Variants in TBC1D30 observed in about 807,000 individuals in gnomAD.
The protein encoded by TBC1D30 is TBC1 domain family member 30.
TBC1D30 carries 31 observed loss-of-function variants against 63.2 expected under a neutral mutation model. The observed-to-expected ratio is 0.49, with a 90% CI of 0.37 to 0.66. The LOEUF is 0.66. Among genes scored for constraint, TBC1D30 ranks in the 30% least tolerant of loss-of-function variants. The pLI is 0.00. For missense variants in TBC1D30, 810 were observed against 953.6 expected (o/e 0.85, Z 1.98); for synonymous variants, 307 against 361.5 (o/e 0.85, Z 1.71).
chr12:64,807,742 A>T (rs1872953666), intron 2 of TBC1D30, among the ~76,000 whole-genome samples: 1 of 151,960 alleles, frequency 6.6e-6, no homozygotes, highest in Non-Finnish European at 1.5e-5. Flanking sequence ...CAATTAAAAA[A>T]TTTAATTTTT....
chr12:64,845,906 C>T lies in TBC1D30; in HGVS notation c.1038+2421C>T, dbSNP rs145517386. Reference sequence around the variant, plus strand: ...AACTCCTGACATCAAGTGATCCTCCCGCCGAGCTTGGCCTCCCAAAATGCT... The same window carrying T: ...AACTCCTGACATCAAGTGATCCTCCTGCCGAGCTTGGCCTCCCAAAATGCT... On this transcript the variant is annotated intron_variant, in intron 8 of 11. Coordinates refer to ENST00000539867, the MANE Select transcript of TBC1D30 (RefSeq NM_015279.2). Among the ~76,000 whole-genome samples, 384 of 152,252 alleles carry T rather than the reference C, an allele frequency of 2.5e-3. 9 individuals carry two copies. The East Asian group carries it at 0.057, about 22-fold the overall frequency.
intron 10 of TBC1D30, 66 bp downstream of exon 10, chr12:64,866,969 G>T (rs1878273097): frequency 6.7e-7 from 1 of 1,493,498 alleles, no homozygotes; most frequent in African/African-American, 1.4e-5. Context: ...GAGTGATATT[G>T]TGTCCTATAG....
At position 64,878,598 on chromosome 12, in the gene TBC1D30, A is replaced by C. The variant is rs1879250759; in HGVS notation, c.*2810A>C. 2.2e-6 allele frequency: 1 copy of C among 455,380 alleles called. No individual in the cohort carries two copies. The highest frequency in any genetic ancestry group is 2.4e-5 in the Admixed American group (1 of 42,496). 28.2% of individuals were successfully genotyped at this position (455,380 alleles called of 1,614,324 possible). A position where few individuals can be genotyped will look rare whatever the true frequency, so the allele number is the denominator to read the frequency against. ...GTTGTTCTGAAGGATTGTATTGATC[A>C]CAAAGCTATATGCATAAAGATTCTC... On this transcript the variant is annotated 3_prime_UTR_variant, in exon 12 of 12. Coordinates refer to ENST00000539867, the MANE Select transcript of TBC1D30 (RefSeq NM_015279.2).
intron 8 of TBC1D30, among the ~76,000 whole-genome samples, chr12:64,859,610 C>T (rs1312870192): frequency 6.6e-6 from 1 of 152,058 alleles, no homozygotes; most frequent in Non-Finnish European, 1.5e-5. Context: ...AAAAGGGATA[C>T]AGGAGTGAAA....
intron 9 of TBC1D30, 63 bp from the exon 10 acceptor site, chr12:64,866,701 T>C: frequency 6.9e-7 from 1 of 1,459,308 alleles, no homozygotes; most frequent in Admixed American, 2.1e-5. Flanking sequence ...TGTAACTGTA[T>C]TATGTTTTAA....
At chr12:64,830,341 A>G in intron 3 of TBC1D30, 36 bp from the exon 4 acceptor site, 2 of 1,495,486 alleles carry the variant, frequency 1.3e-6, no homozygotes, top group Non-Finnish European at 1.8e-6. Context: ...TATATATTCT[A>G]CTTTGGCATT....
At chr12:64,788,196 T>G (rs911983637) in intron 2 of TBC1D30, among the ~76,000 whole-genome samples, 1 of 145,652 alleles carries the variant, frequency 6.9e-6, no homozygotes, top group Non-Finnish European at 1.5e-5. Context: ...TGTAGGGGTG[T>G]GTGTGTGTGT....
intron 1 of TBC1D30, among the ~76,000 whole-genome samples, chr12:64,771,478 A>G (rs933713393): frequency 1.3e-5 from 2 of 152,088 alleles, no homozygotes; most frequent in Non-Finnish European, 2.9e-5. Context: ...TTTGTAAGCT[A>G]AAACACTGCA....
Position 64,824,955 on chromosome 12 carries a change from A to G in TBC1D30, c.76A>G (p.Thr26Ala), listed in dbSNP as rs1316398534. The G allele has an allele frequency of 2.6e-6, 4 of 1,534,762 alleles. No homozygotes were observed. The South Asian group carries it at 4.8e-5, about 18-fold the overall frequency. ...GAAGCGGCAGGGCGGCGGCGTGGGC[A>G]CCATCCTGAGCAATGTGCTCAAGAA... ...CLKRQGGGVG[T>A]ILSNVLKKRS... The change falls in exon 1 of 12, where the codon ACC becomes GCC. Residue 26 changes from threonine to alanine, a missense_variant. Physicochemically the swap from Thr to Ala is moderately conservative, Grantham distance 58 (BLOSUM62 0). This residue lies in a region of TBC1D30 where 272 missense variants were observed against 335.9 expected (regional missense o/e 0.81). Transcript: ENST00000539867.
chr12:64,794,281 A>G (rs752661670), intron 2 of TBC1D30, among the ~76,000 whole-genome samples: 9 of 152,132 alleles, frequency 5.9e-5, no homozygotes, highest in Non-Finnish European at 1.0e-4. Context: ...CTGGGCCTAG[A>G]CAGGCTCTTT....
chr12:64,875,874 G>C lies in TBC1D30; in HGVS notation c.*86G>C. ...GAATGGCTCTAAAAGAGTTTTATTT[G>C]TCCAGTGAAAATGAATAGGTTCAGG... On this transcript the variant is annotated 3_prime_UTR_variant, in exon 12 of 12. Coordinates refer to ENST00000539867, the MANE Select transcript of TBC1D30 (RefSeq NM_015279.2). 7.4e-7 allele frequency: 1 copy of C among 1,350,546 alleles called. No individual in the cohort carries two copies. 83.7% of individuals were successfully genotyped at this position (1,350,546 alleles called of 1,614,324 possible). A position where few individuals can be genotyped will look rare whatever the true frequency, so the allele number is the denominator to read the frequency against.
chr12:64,855,292 C>T (rs7132906), intron 8 of TBC1D30, among the ~76,000 whole-genome samples: 10,906 of 151,954 alleles, frequency 0.072, 757 homozygotes, highest in African/African-American at 0.18. Context: ...GATTGTAAAA[C>T]GCCTTGAGGG....
exon 1 of TBC1D30, chr12:64,781,127 G>A: frequency 9.9e-7 from 1 of 1,007,526 alleles, no homozygotes; most frequent in Non-Finnish European, 1.2e-6. Context: ...CGGGGCCGAG[G>A]GCCGCCGGCG....
chr12:64,784,338 A>C (rs954807951), intron 1 of TBC1D30, among the ~76,000 whole-genome samples: 4 of 152,076 alleles, frequency 2.6e-5, no homozygotes, highest in African/African-American at 9.7e-5. Context: ...ACTCAGGGCC[A>C]AATGCATTTT....
At chr12:64,836,894 A>G (rs756047929) in intron 6 of TBC1D30, among the ~76,000 whole-genome samples, 1 of 152,238 alleles carries the variant, frequency 6.6e-6, no homozygotes, top group Non-Finnish European at 1.5e-5. Context: ...CTAGTACCAG[A>G]TCAACAACTG....
At chr12:64,777,993 C>T (rs1418355499), upstream of TBC1D30, among the ~76,000 whole-genome samples, 2 of 152,184 alleles carry the variant, frequency 1.3e-5, no homozygotes, top group Admixed American at 6.5e-5. Context: ...AACTCCTGCT[C>T]TCAAGAGATC....
intron 5 of TBC1D30, 84 bp from the exon 6 acceptor site, chr12:64,836,406 A>C: frequency 8.9e-7 from 1 of 1,123,100 alleles, no homozygotes; most frequent in Non-Finnish European, 1.2e-6. Flanking sequence ...CGTTTTATCT[A>C]TTTGAATACT....
At chr12:64,786,097 G>C in intron 2 of TBC1D30, 1 of 1,240,530 alleles carries the variant, frequency 8.1e-7, no homozygotes, top group South Asian at 1.3e-5. Context: ...TAGAATGTTA[G>C]GAAAGCTGAG....
chr12:64,870,439 C>A (rs1878563265), intron 10 of TBC1D30, among the ~76,000 whole-genome samples, 163 bp from the exon 11 acceptor site: 1 of 152,120 alleles, frequency 6.6e-6, no homozygotes, highest in Non-Finnish European at 1.5e-5. Flanking sequence ...TTTTCAGGGG[C>A]ACATCAAAAT....
Sources: allele counts gnomAD v4.1 joint callset (sites outside exome capture counted in the v4.1 genomes callset), GRCh38; gene constraint gnomAD v4.1.1; regional missense constraint gnomAD v4.1.1; transcripts MANE v1.5; gene names NCBI Gene and HGNC (gene_info 2026-07-23, HGNC 2026-07-21).